The following TBL1XR1 variants were observed in gnomAD, a reference collection of about 807,000 sequenced individuals.
TBL1XR1 encodes TBL1X/Y related 1.
TBL1XR1 carries 5 observed loss-of-function variants against 66.9 expected under a neutral mutation model. The ratio of observed to expected loss-of-function variants is 0.07; its 90% CI spans 0.04 to 0.16. The LOEUF (loss-of-function observed/expected upper bound fraction) is 0.16, where lower values mean the gene tolerates loss of function less well. Ranked by LOEUF, TBL1XR1 falls within the 10% of genes least tolerant of loss-of-function variation. TBL1XR1 has a pLI of 1.00. For missense variants in TBL1XR1, 238 were observed against 623.2 expected (o/e 0.38, Z 6.58); for synonymous variants, 210 against 206.0 (o/e 1.02, Z -0.17).
At chr3:177,053,133 C>T (rs1717326525) in intron 4 of TBL1XR1, among the ~76,000 whole-genome samples, 2 of 152,024 alleles carry the variant, frequency 1.3e-5, no homozygotes, top group South Asian at 4.1e-4. Context: ...AAAACAAAAA[C>T]AACATTTTAA....
At chr3:177,181,158 T>C (rs946106870) in intron 1 of TBL1XR1, among the ~76,000 whole-genome samples, 8 of 152,138 alleles carry the variant, frequency 5.3e-5, no homozygotes, top group African/African-American at 1.9e-4. Flanking sequence ...GAACCTCCTC[T>C]ATTCTCCAAC....
At chr3:177,065,076 T>G in intron 2 of TBL1XR1, 54 bp from the exon 3 acceptor site, 1 of 1,143,922 alleles carries the variant, frequency 8.7e-7, no homozygotes, top group Non-Finnish European at 1.2e-6. Context: ...TTAAACAAGA[T>G]GTAAACAATG....
At chr3:177,155,182 A>C (rs1353723674) in intron 1 of TBL1XR1, among the ~76,000 whole-genome samples, 1 of 152,232 alleles carries the variant, frequency 6.6e-6, no homozygotes, top group East Asian at 1.9e-4. Context: ...TTAAGAAGCT[A>C]GAAAAAGGGC....
At chr3:177,050,378 C>T in intron 6 of TBL1XR1, 100 bp downstream of exon 6, 1 of 1,430,214 alleles carries the variant, frequency 7.0e-7, no homozygotes, top group Admixed American at 2.6e-5. Context: ...ACAAAATGGC[C>T]ACAACTAAGC....
intron 2 of TBL1XR1, among the ~76,000 whole-genome samples, chr3:177,070,001 T>G (rs1719755573): frequency 1.3e-5 from 2 of 152,176 alleles, no homozygotes; most frequent in Non-Finnish European, 2.9e-5. Flanking sequence ...AGCCCACAGG[T>G]AAGAATGGTT....
intron 2 of TBL1XR1, among the ~76,000 whole-genome samples, chr3:177,077,197 G>C (rs1720801325): frequency 6.6e-6 from 1 of 151,958 alleles, no homozygotes; most frequent in Non-Finnish European, 1.5e-5. Context: ...ACATCTCTAG[G>C]GAATATAATC....
intron 1 of TBL1XR1, among the ~76,000 whole-genome samples, chr3:177,103,344 T>A (rs1724468075): frequency 6.6e-6 from 1 of 152,254 alleles, no homozygotes. Context: ...TTACTTCTTG[T>A]AATAAAATAA....
chr3:177,107,302 A>G (rs1471612271), intron 1 of TBL1XR1, among the ~76,000 whole-genome samples: 2 of 152,180 alleles, frequency 1.3e-5, no homozygotes, highest in Non-Finnish European at 2.9e-5. Context: ...TACAGAAAAC[A>G]TTTCCTTACA....
chr3:177,196,765 G>C (rs1482900155), intron 1 of TBL1XR1, among the ~76,000 whole-genome samples: 7 of 151,874 alleles, frequency 4.6e-5, no homozygotes, highest in African/African-American at 1.7e-4. Flanking sequence ...CACAAAAAGG[G>C]GGTGTAAATG....
At chr3:177,130,144 C>CAAAAAAAAAAAAAAAAAAAAAAAAAAAAA (rs779815590) in intron 1 of TBL1XR1, among the ~76,000 whole-genome samples, 1 of 89,182 alleles carries the variant, frequency 1.1e-5, no homozygotes, top group Non-Finnish European at 2.1e-5. Flanking sequence ...GACTCCATCT[C>CAAAAAAAAAAAAAAAAAAAAAAAAAAAAA]AAAAAAAAAA....
intron 1 of TBL1XR1, among the ~76,000 whole-genome samples, chr3:177,187,685 A>C (rs553369270): frequency 2.2e-4 from 33 of 152,234 alleles, no homozygotes; most frequent in Admixed American, 1.4e-3. Flanking sequence ...GAGTCACTGA[A>C]TGTCTCTTTA....
intron 1 of TBL1XR1, among the ~76,000 whole-genome samples, chr3:177,120,502 T>C (rs1439589095): frequency 6.6e-6 from 1 of 152,148 alleles, no homozygotes; most frequent in African/African-American, 2.4e-5. Context: ...CTAACATTAT[T>C]TCCCACACTA....
At chr3:177,137,200 A>C (rs1729099752) in intron 1 of TBL1XR1, among the ~76,000 whole-genome samples, 1 of 152,270 alleles carries the variant, frequency 6.6e-6, no homozygotes, top group African/African-American at 2.4e-5. Context: ...CCTTAGAGAA[A>C]GACATGGCCC....
intron 3 of TBL1XR1, among the ~76,000 whole-genome samples, chr3:177,058,155 T>C (rs1157914237): frequency 6.6e-6 from 1 of 152,156 alleles, no homozygotes; most frequent in Non-Finnish European, 1.5e-5. Flanking sequence ...AAAGCTTAAA[T>C]ATGACCACAA....
At chr3:177,133,182 G>A (rs974652325) in intron 1 of TBL1XR1, among the ~76,000 whole-genome samples, 1 of 152,150 alleles carries the variant, frequency 6.6e-6, no homozygotes, top group African/African-American at 2.4e-5. Flanking sequence ...AGCTACTCAG[G>A]AGGCTGAGGC....
rs1206352156 is a variant in TBL1XR1, at chr3:177,020,092, T to G, written c.*5406A>C. On this transcript the variant is annotated 3_prime_UTR_variant, in exon 16 of 16. Transcript: ENST00000457928. The stretch of plus-strand genomic sequence containing the variant: ...AGAAGGTGTCTAGTTGTTTTTCTTA[T>G]AAAGTTTGTAGTAACAACTAGCTAA... 6.6e-6 allele frequency: 1 copy of G among 152,030 alleles called. No homozygotes were observed. The highest frequency in any genetic ancestry group is 1.5e-5 in the Non-Finnish European group (1 of 67,972). The allele number at this position is 152,030 out of a possible 1,614,324, so 9.4% of individuals were successfully genotyped here.
intron 1 of TBL1XR1, among the ~76,000 whole-genome samples, chr3:177,142,126 G>A (rs1729703345): frequency 6.6e-6 from 1 of 152,182 alleles, no homozygotes; most frequent in South Asian, 2.1e-4. Context: ...TGATTGTAGT[G>A]CAGGGTAGAC....
At chr3:177,125,823 G>C (rs1238932170) in intron 1 of TBL1XR1, among the ~76,000 whole-genome samples, 4 of 152,026 alleles carry the variant, frequency 2.6e-5, no homozygotes, top group African/African-American at 7.2e-5. Context: ...AACTGACAAA[G>C]ATTTTATATT....
chr3:177,025,909 G>T, intron 15 of TBL1XR1: 1 of 277,948 alleles, frequency 3.6e-6, no homozygotes, highest in Non-Finnish European at 6.7e-6. Flanking sequence ...TGCTTCTACA[G>T]CTTTGGAAGC....
Sources: allele counts gnomAD v4.1 joint callset (sites outside exome capture counted in the v4.1 genomes callset), GRCh38; gene constraint gnomAD v4.1.1; transcripts MANE v1.5; gene names NCBI Gene and HGNC (gene_info 2026-07-23, HGNC 2026-07-21).